The following GVQW3 variants were observed in gnomAD, a reference collection of about 807,000 sequenced individuals.
GVQW3 encodes protein GVQW3.
A neutral mutation model predicts 12.5 loss-of-function variants in GVQW3; 7 were observed. The observed-to-expected ratio is 0.56, with a 90% CI of 0.32 to 1.05. GVQW3 has a LOEUF of 1.05. Ranked by LOEUF, GVQW3 falls within the 50% of genes least tolerant of loss-of-function variation. The pLI, the probability that GVQW3 is intolerant of heterozygous loss-of-function variation, is 0.04. For synonymous variants in GVQW3, 71 were observed against 67.2 expected, an observed-to-expected ratio of 1.06 and a Z score of -0.28; for missense variants, 188 against 190.8, an observed-to-expected ratio of 0.99 and a Z score of 0.09.
chr11:76,406,728 G>T lies in GVQW3; in HGVS notation c.*2970G>T, dbSNP rs1462006709. 1.3e-5 allele frequency: 2 copies of T among 152,344 alleles called. No individual in the cohort carries two copies. The highest frequency in any genetic ancestry group is 3.9e-4 in the East Asian group (2 of 5,188). 9.4% of individuals were successfully genotyped at this position (152,344 alleles called of 1,614,324 possible). On this transcript the variant is annotated 3_prime_UTR_variant, in exon 2 of 2. Coordinates refer to ENST00000529331, the MANE Select transcript of GVQW3 (RefSeq NM_001347885.2). ...AGCACTGTTTAAATAAATATGCCGG[G>T]CCAGGCGTGGTGGCTCACGCCTGTA...
At chr11:76,390,854 A>G (rs1361282061) in intron 1 of GVQW3, among the ~76,000 whole-genome samples, 1 of 152,170 alleles carries the variant, frequency 6.6e-6, no homozygotes, top group Admixed American at 6.5e-5. Context: ...ATAAATTAGT[A>G]AAAATATCTA....
At chr11:76,396,753 A>G (rs939909780) in intron 1 of GVQW3, among the ~76,000 whole-genome samples, 1 of 152,202 alleles carries the variant, frequency 6.6e-6, no homozygotes, top group Non-Finnish European at 1.5e-5. Context: ...AAAATTGTAG[A>G]ACCATCACCA....
downstream of GVQW3, among the ~76,000 whole-genome samples, chr11:76,408,795 T>C (rs1233441404): frequency 6.6e-6 from 1 of 152,128 alleles, no homozygotes; most frequent in East Asian, 1.9e-4. Flanking sequence ...CAGATGTCCT[T>C]ACAGCCTCCA....
chr11:76,398,120 C>A (rs1431663684), intron 1 of GVQW3, among the ~76,000 whole-genome samples: 1 of 140,118 alleles, frequency 7.1e-6, no homozygotes, highest in Non-Finnish European at 1.5e-5. Flanking sequence ...GGGTAATAGA[C>A]TGAGACTGTG....
At chr11:76,386,758 A>T (rs1946838660) in intron 1 of GVQW3, among the ~76,000 whole-genome samples, 1 of 152,146 alleles carries the variant, frequency 6.6e-6, no homozygotes, top group South Asian at 2.1e-4. Flanking sequence ...CCAGGCGTTT[A>T]TATCTTTTCT....
chr11:76,411,737 T>A (rs1373003234), downstream of GVQW3: 3 of 152,188 alleles, frequency 2.0e-5, no homozygotes, highest in African/African-American at 7.2e-5. Context: ...CTACTTTGAG[T>A]TGATGTAATC....
At chr11:76,397,934 G>A (rs966143328) in intron 1 of GVQW3, among the ~76,000 whole-genome samples, 2 of 152,080 alleles carry the variant, frequency 1.3e-5, no homozygotes, top group Admixed American at 1.3e-4. Context: ...CAGGAGTTTT[G>A]AGACCAGCCT....
intron 1 of GVQW3, among the ~76,000 whole-genome samples, chr11:76,387,341 C>T (rs759509396): frequency 2.0e-5 from 3 of 151,952 alleles, no homozygotes; most frequent in Non-Finnish European, 2.9e-5. Context: ...GAGGCTGAGG[C>T]AGGAGAATTG....
chr11:76,388,858 C>T (rs1234553876), intron 1 of GVQW3, among the ~76,000 whole-genome samples: 1 of 152,072 alleles, frequency 6.6e-6, no homozygotes, highest in Admixed American at 6.6e-5. Flanking sequence ...ATTTTATTAT[C>T]CTTTAGACAG....
At chr11:76,410,954 C>G (rs1160421906), downstream of GVQW3, 1 of 152,210 alleles carries the variant, frequency 6.6e-6, no homozygotes, top group Non-Finnish European at 1.5e-5. Flanking sequence ...GCATAACATC[C>G]TGCTTTCCCA....
chr11:76,399,291 C>T (rs1946967007), intron 1 of GVQW3, among the ~76,000 whole-genome samples: 1 of 152,014 alleles, frequency 6.6e-6, no homozygotes, highest in Non-Finnish European at 1.5e-5. Flanking sequence ...AGGCGTGCAT[C>T]ACCCAATGCC....
At chr11:76,392,945 C>T (rs1227542609) in intron 1 of GVQW3, 4 of 152,204 alleles carry the variant, frequency 2.6e-5, no homozygotes, top group Non-Finnish European at 4.4e-5. Context: ...TGCTTATATT[C>T]ATGACACAGT....
intron 1 of GVQW3, among the ~76,000 whole-genome samples, chr11:76,393,365 G>T (rs1241895365): frequency 6.6e-6 from 1 of 152,096 alleles, no homozygotes; most frequent in Non-Finnish European, 1.5e-5. Flanking sequence ...CATCCTGGCA[G>T]GTCCATGTGA....
chr11:76,408,804 C>T (rs1947063791), downstream of GVQW3, among the ~76,000 whole-genome samples: 1 of 152,132 alleles, frequency 6.6e-6, no homozygotes, highest in Non-Finnish European at 1.5e-5. Flanking sequence ...TTACAGCCTC[C>T]AGACAGGGTG....
chr11:76,411,580 G>A (rs1396336407), downstream of GVQW3: 1 of 152,182 alleles, frequency 6.6e-6, no homozygotes, highest in African/African-American at 2.4e-5. Context: ...CCTGGTGCAA[G>A]TATACTTCAT....
At position 76,406,932 on chromosome 11, in the gene GVQW3, T is replaced by A. The variant is rs1010442933; in HGVS notation, c.*3174T>A. 6.6e-6 allele frequency: 1 copy of A among 151,956 alleles called. No homozygotes were observed. The highest frequency in any genetic ancestry group is 1.5e-5 in the Non-Finnish European group (1 of 68,022). 9.4% of individuals were successfully genotyped at this position (151,956 alleles called of 1,614,324 possible). ...CTGAGGCAGGAGAATGGCAAGAACC[T>A]GGGAGGCGGAGCTTGCAGTGAGCCA... On this transcript the variant is annotated 3_prime_UTR_variant, in exon 2 of 2. Transcript: ENST00000529331.
exon 2 of GVQW3, chr11:76,413,643 CT>C: frequency 6.6e-6 from 1 of 152,374 alleles, no homozygotes; most frequent in Non-Finnish European, 1.5e-5. Context: ...CACCACTCTG[CT>C]TTTTCCTCTC....
intron 1 of GVQW3, among the ~76,000 whole-genome samples, chr11:76,388,427 A>G (rs1279842278): frequency 6.6e-6 from 1 of 152,152 alleles, no homozygotes; most frequent in Non-Finnish European, 1.5e-5. Flanking sequence ...CTGATTTTCC[A>G]AAGTTGTAGT....
chr11:76,396,271 G>A (rs191446379), intron 1 of GVQW3, among the ~76,000 whole-genome samples: 82 of 151,768 alleles, frequency 5.4e-4, no homozygotes, highest in African/African-American at 1.9e-3. Context: ...TTTTCCCATC[G>A]TTTTAACATT....
Sources: gnomAD v4.1 joint callset for allele counts (sites outside exome capture counted in the v4.1 genomes callset) on GRCh38, gnomAD v4.1.1 for gene constraint, MANE v1.5 for transcripts, NCBI Gene and HGNC (gene_info 2026-07-23, HGNC 2026-07-21) for gene names.